The following BCAS1 variants were observed in gnomAD, a reference collection of about 807,000 sequenced individuals.
The protein encoded by BCAS1 is brain enriched myelin associated protein 1.
In BCAS1, 46 loss-of-function variants were observed where a neutral mutation model predicts 65.4. The ratio of observed to expected loss-of-function variants is 0.70; its 90% CI spans 0.55 to 0.90. The LOEUF (loss-of-function observed/expected upper bound fraction) is 0.90. Among genes scored for constraint, BCAS1 ranks in the 40% least tolerant of loss-of-function variants. The probability of loss-of-function intolerance (pLI) is 0.00; values close to 1 mark genes in which losing one functional copy is unlikely to be tolerated. For missense variants in BCAS1, 793 were observed against 771.2 expected, an observed-to-expected ratio of 1.03 and a Z score of -0.33; for synonymous variants, 298 against 293.5, an observed-to-expected ratio of 1.02 and a Z score of -0.16.
chr20:53,945,378 G>A (rs1330370687), intron 12 of BCAS1, among the ~76,000 whole-genome samples: 1 of 150,708 alleles, frequency 6.6e-6, no homozygotes, highest in Non-Finnish European at 1.5e-5. Context: ...TTACCATCTA[G>A]GTTCACCACC....
At chr20:54,008,543 G>T (rs1042345224) in intron 4 of BCAS1, among the ~76,000 whole-genome samples, 2 of 152,194 alleles carry the variant, frequency 1.3e-5, no homozygotes, top group East Asian at 1.9e-4. Flanking sequence ...ATGGAGGCTG[G>T]TGAGAAACCT....
intron 3 of BCAS1, among the ~76,000 whole-genome samples, chr20:54,051,726 T>TTTG (rs11470040): frequency 0.15 from 21,635 of 149,126 alleles, 1,756 homozygotes; most frequent in Admixed American, 0.19. Context: ...TTTTTTTTTG[T>TTTG]TTGTTGTTGT....
intron 12 of BCAS1, among the ~76,000 whole-genome samples, chr20:53,945,304 A>T (rs943999343): frequency 3.6e-4 from 55 of 152,194 alleles, no homozygotes; most frequent in African/African-American, 1.3e-3. Context: ...AAGTGAGTTC[A>T]TGCTTATAAT....
intron 3 of BCAS1, among the ~76,000 whole-genome samples, chr20:54,057,197 T>C (rs1465347171): frequency 6.6e-6 from 1 of 152,240 alleles, no homozygotes; most frequent in Non-Finnish European, 1.5e-5. Flanking sequence ...TGCCCTCATG[T>C]GGACACAATT....
intron 3 of BCAS1, among the ~76,000 whole-genome samples, chr20:54,036,439 T>C (rs1239827694): frequency 6.6e-6 from 1 of 151,480 alleles, no homozygotes; most frequent in Non-Finnish European, 1.5e-5. Flanking sequence ...AAAGTCATTT[T>C]ATCTGTATAT....
chr20:53,965,485 G>A (rs900724817), intron 10 of BCAS1, among the ~76,000 whole-genome samples: 3 of 152,186 alleles, frequency 2.0e-5, no homozygotes, highest in Admixed American at 6.5e-5. Context: ...ACTGATTTAG[G>A]TTTTGTTGCA....
intron 4 of BCAS1, among the ~76,000 whole-genome samples, chr20:54,019,209 A>G (rs1259800931): frequency 2.0e-5 from 3 of 152,174 alleles, no homozygotes; most frequent in Non-Finnish European, 4.4e-5. Flanking sequence ...GCCTAGCTCA[A>G]CGTTCTCTAG....
intron 4 of BCAS1, among the ~76,000 whole-genome samples, chr20:54,018,864 C>T (rs2091498870): frequency 6.6e-6 from 1 of 152,176 alleles, no homozygotes; most frequent in South Asian, 2.1e-4. Flanking sequence ...TGCTGGGAAT[C>T]ATTTGGTGAA....
chr20:53,957,675 A>G (rs1205562480), intron 10 of BCAS1, among the ~76,000 whole-genome samples, 178 bp from the exon 11 acceptor site: 1 of 152,254 alleles, frequency 6.6e-6, no homozygotes, highest in African/African-American at 2.4e-5. Flanking sequence ...GCAATTTCTA[A>G]CCAGATCTAA....
intron 8 of BCAS1, among the ~76,000 whole-genome samples, chr20:53,976,720 C>T (rs1414384516): frequency 6.6e-5 from 10 of 152,134 alleles, no homozygotes; most frequent in Middle Eastern, 6.3e-3. Context: ...CACATTTTTT[C>T]GGCAATCGTG....
intron 4 of BCAS1, among the ~76,000 whole-genome samples, chr20:54,022,450 T>C (rs1056573650): frequency 6.6e-6 from 1 of 152,212 alleles, no homozygotes; most frequent in East Asian, 1.9e-4. Context: ...TACAGTTTTA[T>C]TTAGCATGAC....
intron 4 of BCAS1, among the ~76,000 whole-genome samples, chr20:54,028,153 C>T (rs1032532587): frequency 1.3e-5 from 2 of 152,200 alleles, no homozygotes; most frequent in Non-Finnish European, 2.9e-5. Context: ...ATGTAACTCA[C>T]CTCCTCTTTT....
At chr20:54,064,635 C>T (rs980561013) in intron 1 of BCAS1, among the ~76,000 whole-genome samples, 2 of 152,188 alleles carry the variant, frequency 1.3e-5, no homozygotes, top group Admixed American at 6.5e-5. Context: ...TCCGCAGTCT[C>T]GCTCTCCTGC....
intron 4 of BCAS1, among the ~76,000 whole-genome samples, chr20:54,006,086 A>G: frequency 6.6e-6 from 1 of 152,174 alleles, no homozygotes; most frequent in Non-Finnish European, 1.5e-5. Context: ...CAAAGGGGCT[A>G]AACAGCAGCA....
intron 3 of BCAS1, among the ~76,000 whole-genome samples, chr20:54,030,132 C>G (rs6091809): frequency 1.3e-5 from 2 of 152,220 alleles, no homozygotes; most frequent in South Asian, 4.1e-4. Flanking sequence ...CTACCTTGAC[C>G]TAAATTAACT....
At chr20:53,950,445 A>G (rs1050055907) in intron 12 of BCAS1, among the ~76,000 whole-genome samples, 2 of 133,782 alleles carry the variant, frequency 1.5e-5, no homozygotes, top group African/African-American at 5.6e-5. Flanking sequence ...CCCCGCCCCC[A>G]GACACACTCA....
rs950852598 is a variant in BCAS1, at chr20:53,992,552, G to A, written c.1022C>T (p.Pro341Leu). ...RGTKKKHLDS[P>L]RLGLAFRKFF... ...TTTTCTAAAGGCGAGTCCTAGCCTG[G>A]GGCTATCCAGGTGCTTTTTCTTGGT... The change falls in exon 7 of 13, where the codon CCC becomes CTC. Residue 341 changes from proline (P) to leucine (L), a missense_variant. Pro to Leu is a moderately conservative substitution (Grantham distance 98). Transcript: ENST00000688948. 5.9e-5 allele frequency: 81 copies of A among 1,364,702 alleles called. No homozygotes were observed. The highest frequency in any genetic ancestry group is 7.9e-5 in the Non-Finnish European group (81 of 1,021,548). 84.5% of individuals were successfully genotyped at this position (1,364,702 alleles called of 1,614,324 possible). A position where few individuals can be genotyped will look rare whatever the true frequency, so the allele number is the denominator to read the frequency against.
intron 4 of BCAS1, 50 bp downstream of exon 4, chr20:54,028,342 G>A (rs555870688): frequency 1.4e-5 from 23 of 1,592,422 alleles, no homozygotes; most frequent in African/African-American, 4.0e-5. Flanking sequence ...TCCCATTAGC[G>A]CCCCCGAGCA....
intron 3 of BCAS1, among the ~76,000 whole-genome samples, chr20:54,053,422 G>C (rs990325511): frequency 6.6e-5 from 10 of 152,150 alleles, no homozygotes; most frequent in African/African-American, 2.2e-4. Flanking sequence ...TTTAAAAGAG[G>C]TATTTTCCCT....
Sources: allele counts gnomAD v4.1 joint callset (sites outside exome capture counted in the v4.1 genomes callset), GRCh38; gene constraint gnomAD v4.1.1; transcripts MANE v1.5; gene names NCBI Gene and HGNC (gene_info 2026-07-23, HGNC 2026-07-21).